MLF1: variants seen among roughly 807,000 people sequenced by gnomAD.
MLF1 encodes the protein myeloid leukemia factor 1.
Under a neutral mutation model 38.3 loss-of-function variants are expected in MLF1, and 37 were observed. The observed-to-expected ratio is 0.96, with a 90% CI of 0.74 to 1.27. The LOEUF is 1.27. Ranked by LOEUF, MLF1 falls within the 50% of genes most tolerant of loss-of-function variation. The pLI, the probability that MLF1 is intolerant of heterozygous loss-of-function variation, is 0.00. For synonymous variants in MLF1, 95 were observed against 106.5 expected (o/e 0.89, Z 0.66); for missense variants, 331 against 349.2 (o/e 0.95, Z 0.42).
At chr3:158,598,956 G>T (rs969255228) in intron 5 of MLF1, among the ~76,000 whole-genome samples, 1 of 152,128 alleles carries the variant, frequency 6.6e-6, no homozygotes, top group Non-Finnish European at 1.5e-5. Flanking sequence ...TGTCTTTGCT[G>T]AGTAATATGC....
intron 1 of MLF1, among the ~76,000 whole-genome samples, chr3:158,580,023 A>T (rs1046018506): frequency 6.6e-6 from 1 of 152,260 alleles, no homozygotes; most frequent in African/African-American, 2.4e-5. Context: ...CAAAGGTATA[A>T]CGAATACTTT....
chr3:158,584,152 A>G (rs774554894), intron 1 of MLF1, among the ~76,000 whole-genome samples: 1 of 152,228 alleles, frequency 6.6e-6, no homozygotes, highest in African/African-American at 2.4e-5. Context: ...AGAGTTCAGT[A>G]TAGCCACAGT....
chr3:158,586,074 G>C (rs889054975), intron 1 of MLF1, among the ~76,000 whole-genome samples: 1 of 151,722 alleles, frequency 6.6e-6, no homozygotes, highest in African/African-American at 2.4e-5. Flanking sequence ...TGAGGCAGGA[G>C]AATTGCTTGA....
At chr3:158,603,416 C>T (rs1720082680) in intron 7 of MLF1, among the ~76,000 whole-genome samples, 1 of 152,194 alleles carries the variant, frequency 6.6e-6, no homozygotes, top group Non-Finnish European at 1.5e-5. Context: ...TGTAACAGTA[C>T]ATGCAATACC....
chr3:158,574,712 G>A (rs1314453473), intron 1 of MLF1, among the ~76,000 whole-genome samples: 2 of 148,930 alleles, frequency 1.3e-5, no homozygotes, highest in Non-Finnish European at 1.5e-5. Context: ...AGAATATTTA[G>A]CCAGAGAATA....
chr3:158,574,612 AG>A (rs1201698159), intron 1 of MLF1, among the ~76,000 whole-genome samples: 1 of 149,090 alleles, frequency 6.7e-6, no homozygotes, highest in African/African-American at 2.5e-5. Flanking sequence ...TGAACCCAGG[AG>A]GTGGAGGTTG....
At chr3:158,601,992 A>G (rs1425657910) in intron 6 of MLF1, among the ~76,000 whole-genome samples, 1 of 151,228 alleles carries the variant, frequency 6.6e-6, no homozygotes, top group Non-Finnish European at 1.5e-5. Context: ...AATTTTTTCT[A>G]TTTTTAGTAG....
intron 3 of MLF1, among the ~76,000 whole-genome samples, chr3:158,594,723 A>G (rs1718644413): frequency 6.6e-6 from 1 of 152,168 alleles, no homozygotes. Context: ...TTGGTGATTG[A>G]CAGGGTTGAA....
chr3:158,592,355 T>G, intron 1 of MLF1, 79 bp from the exon 2 acceptor site: 1 of 1,255,162 alleles, frequency 8.0e-7, no homozygotes, highest in Non-Finnish European at 1.1e-6. Flanking sequence ...CCCAAAATAA[T>G]TATTTGTAAT....
chr3:158,585,872 G>T (rs576547648), intron 1 of MLF1, among the ~76,000 whole-genome samples: 19 of 152,232 alleles, frequency 1.2e-4, no homozygotes, highest in African/African-American at 4.1e-4. Context: ...ATTGAAAAGA[G>T]CAATTTAAGC....
chr3:158,605,309 T>C lies in MLF1; in HGVS notation c.*107T>C. 1.3e-6 allele frequency: 1 copy of C among 761,410 alleles called. No individual in the cohort carries two copies. Among genetic ancestry groups the C allele is most frequent in the Non-Finnish European group, 2.0e-6 (1 of 489,012 alleles). The allele number at this position is 761,410 out of a possible 1,614,324, so 47.2% of individuals were successfully genotyped here. A position where few individuals can be genotyped will look rare whatever the true frequency, so the allele number is the denominator to read the frequency against. ...CTTGCTGTTAAATCAGTTCTGTCCT[T>C]GGCAACTTTCTTCTGATATCTGAAT... On this transcript the variant is annotated 3_prime_UTR_variant, in exon 8 of 8. Transcript: ENST00000466246.
chr3:158,592,306 GTTCTC>G (rs1277599563), intron 1 of MLF1, 123 bp from the exon 2 acceptor site: 37 of 693,988 alleles, frequency 5.3e-5, no homozygotes, highest in African/African-American at 7.3e-5. Flanking sequence ...ATAAAATAGA[GTTCTC>G]TTCTACTCTT....
At chr3:158,591,968 G>A (rs967062821) in intron 1 of MLF1, among the ~76,000 whole-genome samples, 4 of 151,982 alleles carry the variant, frequency 2.6e-5, no homozygotes, top group African/African-American at 4.8e-5. Flanking sequence ...TGAACCCATC[G>A]CAAATTGAAA....
At chr3:158,599,679 T>C (rs1719453899) in intron 5 of MLF1, among the ~76,000 whole-genome samples, 1 of 152,158 alleles carries the variant, frequency 6.6e-6, no homozygotes, top group South Asian at 2.1e-4. Context: ...TGCCCTTATT[T>C]GTAGGAATCC....
At chr3:158,574,999 A>G (rs1162170340) in intron 1 of MLF1, among the ~76,000 whole-genome samples, 1 of 152,178 alleles carries the variant, frequency 6.6e-6, no homozygotes, top group Non-Finnish European at 1.5e-5. Context: ...GTTCTTTAAA[A>G]TGTCTAGCAG....
At chr3:158,572,943 C>G (rs1453928779) in intron 1 of MLF1, among the ~76,000 whole-genome samples, 2 of 151,640 alleles carry the variant, frequency 1.3e-5, no homozygotes, top group Admixed American at 1.3e-4. Context: ...TTTGGCCGGA[C>G]TTTGGGTGCC....
At chr3:158,597,599 T>TA (rs1170936221) in intron 4 of MLF1, among the ~76,000 whole-genome samples, 6 of 152,138 alleles carry the variant, frequency 3.9e-5, no homozygotes, top group African/African-American at 1.4e-4. Flanking sequence ...AATGCCCAAA[T>TA]AATCTAGGGC....
In MLF1 at chr3:158,598,061, A is replaced by G. The variant is rs761100494; in HGVS notation, c.325-19A>G. Reference sequence around the variant, plus strand: ...ATTTATATTTGACTCGACTGAATTTACAATTTGTTTACCTGTAGGGTCAAC... The same window carrying G: ...ATTTATATTTGACTCGACTGAATTTGCAATTTGTTTACCTGTAGGGTCAAC... On this transcript the variant is annotated intron_variant, in intron 4 of 7. Coordinates refer to ENST00000466246, the MANE Select transcript of MLF1 (RefSeq NM_001369783.1). 9.3e-6 allele frequency: 15 copies of G among 1,609,204 alleles called. No homozygotes were observed. Among genetic ancestry groups the G allele is most frequent in the East Asian group, 2.2e-5 (1 of 44,834 alleles).
chr3:158,601,415 A>G (rs1462698498), intron 6 of MLF1, among the ~76,000 whole-genome samples: 1 of 152,046 alleles, frequency 6.6e-6, no homozygotes, highest in African/African-American at 2.4e-5. Context: ...TAAAAATACA[A>G]AAATTAGCCG....
Sources: gnomAD v4.1 joint callset for allele counts (sites outside exome capture counted in the v4.1 genomes callset) on GRCh38, gnomAD v4.1.1 for gene constraint, MANE v1.5 for transcripts, NCBI Gene and HGNC (gene_info 2026-07-23, HGNC 2026-07-21) for gene names.